DGKB: variants seen among roughly 807,000 people sequenced by gnomAD.
The protein encoded by DGKB is 90 kDa diacylglycerol kinase.
In DGKB, 67 loss-of-function variants were observed where a neutral mutation model predicts 114.3. That is an observed-to-expected ratio of 0.59 (90% CI 0.48 to 0.72). The LOEUF (loss-of-function observed/expected upper bound fraction) is 0.72. Ranked by LOEUF, DGKB falls within the 30% of genes least tolerant of loss-of-function variation. DGKB has a pLI of 0.00. For synonymous variants in DGKB, 398 were observed against 323.1 expected (o/e 1.23, Z -2.49); for missense variants, 907 against 975.2 (o/e 0.93, Z 0.93).
intron 20 of DGKB, among the ~76,000 whole-genome samples, chr7:14,498,977 G>A: frequency 6.6e-6 from 1 of 151,476 alleles, no homozygotes; most frequent in East Asian, 1.9e-4. Context: ...AAAGTATGAA[G>A]GTAAAGAGTT....
intron 20 of DGKB, among the ~76,000 whole-genome samples, chr7:14,527,284 T>C (rs1281379063): frequency 6.6e-6 from 1 of 152,148 alleles, no homozygotes; most frequent in Non-Finnish European, 1.5e-5. Context: ...TGGGTTGGCA[T>C]TATCCACTGT....
chr7:14,540,754 A>T (rs1473616809), intron 20 of DGKB, among the ~76,000 whole-genome samples: 1 of 152,186 alleles, frequency 6.6e-6, no homozygotes, highest in East Asian at 1.9e-4. Flanking sequence ...ACGTAATAGT[A>T]ACAATGCCAA....
intron 1 of DGKB, among the ~76,000 whole-genome samples, chr7:14,928,575 G>T (rs1234090259): frequency 3.6e-4 from 55 of 151,960 alleles, no homozygotes; most frequent in Admixed American, 3.6e-3. Flanking sequence ...ATTTGTCAGA[G>T]AAATTGCTTT....
At chr7:14,152,043 C>T (rs532881574) in intron 25 of DGKB, among the ~76,000 whole-genome samples, 10 of 151,988 alleles carry the variant, frequency 6.6e-5, no homozygotes, top group South Asian at 2.1e-4. Context: ...ATCCTGGTTA[C>T]GGGGGGTTAA....
intron 4 of DGKB, among the ~76,000 whole-genome samples, chr7:14,740,679 T>C (rs776083445): frequency 1.3e-5 from 2 of 152,122 alleles, no homozygotes; most frequent in African/African-American, 2.4e-5. Context: ...GCCTCCCATA[T>C]CATGGATAGA....
chr7:14,448,839 A>G (rs1215260117), intron 21 of DGKB, among the ~76,000 whole-genome samples: 1 of 152,080 alleles, frequency 6.6e-6, no homozygotes, highest in Admixed American at 6.6e-5. Context: ...TACACTATCA[A>G]AGTGAGGGAA....
chr7:14,366,374 C>T (rs1021221682), intron 21 of DGKB, among the ~76,000 whole-genome samples: 1 of 152,038 alleles, frequency 6.6e-6, no homozygotes, highest in Admixed American at 6.6e-5. Flanking sequence ...AATCAGAATT[C>T]ACAAAATTAG....
At chr7:14,392,720 A>G (rs1408046938) in intron 21 of DGKB, among the ~76,000 whole-genome samples, 1 of 152,170 alleles carries the variant, frequency 6.6e-6, no homozygotes, top group Non-Finnish European at 1.5e-5. Context: ...GAGTTTGGTC[A>G]AATCCTATTG....
intron 23 of DGKB, among the ~76,000 whole-genome samples, chr7:14,231,646 ATATAT>A (rs1791874026): frequency 6.6e-6 from 1 of 151,764 alleles, no homozygotes; most frequent in Non-Finnish European, 1.5e-5. Flanking sequence ...GTGTGTGTAC[ATATAT>A]TTATATATAG....
intron 2 of DGKB, among the ~76,000 whole-genome samples, chr7:14,767,202 A>T (rs954223871): frequency 6.6e-6 from 1 of 151,598 alleles, no homozygotes; most frequent in African/African-American, 2.4e-5. Context: ...AGAAAAAAAT[A>T]AAAAATTAAA....
intron 5 of DGKB, among the ~76,000 whole-genome samples, chr7:14,724,626 C>G (rs1241443057): frequency 1.3e-5 from 2 of 152,148 alleles, no homozygotes; most frequent in Non-Finnish European, 2.9e-5. Flanking sequence ...GCAGAGTAAC[C>G]TCTGTGAAGG....
intron 1 of DGKB, among the ~76,000 whole-genome samples, chr7:14,849,441 C>T (rs1849058292): frequency 6.6e-6 from 1 of 152,122 alleles, no homozygotes; most frequent in South Asian, 2.1e-4. Flanking sequence ...AGGGCAAGTT[C>T]AGCCTCCTTT....
intron 23 of DGKB, chr7:14,191,704 G>C: frequency 3.0e-6 from 1 of 334,800 alleles, no homozygotes; most frequent in South Asian, 2.9e-5. Context: ...TCAATGTCAA[G>C]GATGTGCACG....
At chr7:14,163,774 C>T (rs1784240546) in intron 25 of DGKB, among the ~76,000 whole-genome samples, 1 of 152,148 alleles carries the variant, frequency 6.6e-6, no homozygotes, top group Non-Finnish European at 1.5e-5. Flanking sequence ...GCAGGCAGAT[C>T]ACCTGAGGTC....
intron 21 of DGKB, among the ~76,000 whole-genome samples, chr7:14,407,192 C>T (rs189534459): frequency 2.0e-5 from 3 of 152,176 alleles, no homozygotes; most frequent in South Asian, 2.1e-4. Context: ...TCTAGTTCAA[C>T]GGTTCCAGGA....
chr7:14,828,954 C>A (rs188486169), intron 2 of DGKB, among the ~76,000 whole-genome samples: 1 of 152,146 alleles, frequency 6.6e-6, no homozygotes, highest in African/African-American at 2.4e-5. Context: ...CCAGAACTTG[C>A]AACCAGACTA....
intron 25 of DGKB, among the ~76,000 whole-genome samples, chr7:14,162,087 G>T (rs2128225707): frequency 6.6e-6 from 1 of 152,234 alleles, no homozygotes; most frequent in Non-Finnish European, 1.5e-5. Context: ...TTAATGAAGA[G>T]CTTAGAATGT....
intron 5 of DGKB, among the ~76,000 whole-genome samples, chr7:14,731,713 G>C (rs930375730): frequency 6.6e-6 from 1 of 152,096 alleles, no homozygotes; most frequent in Admixed American, 6.5e-5. Context: ...TGTAGAAAAA[G>C]AAAGATTCCA....
intron 23 of DGKB, among the ~76,000 whole-genome samples, chr7:14,260,146 T>G (rs73069674): frequency 0.084 from 12,624 of 151,166 alleles, 524 homozygotes; most frequent in African/African-American, 0.099. Context: ...ACAGTTGAAT[T>G]TGCTTAGGAA....
Sources: allele counts gnomAD v4.1 joint callset (sites outside exome capture counted in the v4.1 genomes callset), GRCh38; gene constraint gnomAD v4.1.1; transcripts MANE v1.5; gene names NCBI Gene and HGNC (gene_info 2026-07-23, HGNC 2026-07-21).